The following SGCZ variants were observed in gnomAD, a reference collection of about 807,000 sequenced individuals.
SGCZ encodes sarcoglycan zeta, also known as zeta-sarcoglycan.
Under a neutral mutation model 41.3 loss-of-function variants are expected in SGCZ, and 40 were observed. The ratio of observed to expected loss-of-function variants is 0.97; its 90% CI spans 0.75 to 1.26. The LOEUF (loss-of-function observed/expected upper bound fraction) is 1.26, where lower values mean the gene tolerates loss of function less well. SGCZ is among the 50% of genes most tolerant of loss of function. The pLI is 0.00. For synonymous variants in SGCZ, 206 were observed against 137.5 expected (o/e 1.50, Z -3.49); for missense variants, 552 against 369.8 (o/e 1.49, Z -4.04).
chr8:14,554,777 G>C lies in SGCZ; in HGVS notation c.189C>G (p.Asn63Lys). The C allele has an allele frequency of 6.2e-7, 1 of 1,613,036 alleles. No individual in the cohort carries two copies. Reference sequence around the variant, plus strand: ...TCAATATCCATATTGTCATGGCTAAGTTAACTATCATGGTAACCAACAGCA... The same window carrying C: ...TCAATATCCATATTGTCATGGCTAACTTAACTATCATGGTAACCAACAGCA... Reference protein sequence around the residue: ...VLLLLVTMIVNLAMTIWILKV... With the variant: ...VLLLLVTMIVKLAMTIWILKV... The change falls in exon 2 of 8, where the codon AAC becomes AAG. Residue 63 changes from asparagine (N) to lysine (K), a missense_variant. Coordinates refer to ENST00000382080, the MANE Select transcript of SGCZ (RefSeq NM_139167.4).
intron 1 of SGCZ, among the ~76,000 whole-genome samples, chr8:15,190,769 A>G (rs1290362267): frequency 1.3e-5 from 2 of 151,940 alleles, no homozygotes; most frequent in African/African-American, 4.8e-5. Context: ...ATCAACAAAG[A>G]TTTGCAATTT....
At chr8:14,855,123 G>C (rs965399630) in intron 1 of SGCZ, among the ~76,000 whole-genome samples, 14 of 151,794 alleles carry the variant, frequency 9.2e-5, no homozygotes, top group Admixed American at 2.0e-4. Flanking sequence ...CACAATCTTG[G>C]CTCACTGCAA....
intron 1 of SGCZ, among the ~76,000 whole-genome samples, chr8:15,194,593 G>A (rs775848131): frequency 6.6e-5 from 10 of 152,166 alleles, no homozygotes; most frequent in Non-Finnish European, 1.5e-4. Context: ...TAAAGGGGAT[G>A]CAAGAAGGTC....
chr8:14,552,933 T>A (rs1239542476), intron 2 of SGCZ, among the ~76,000 whole-genome samples: 2 of 152,024 alleles, frequency 1.3e-5, no homozygotes, highest in Admixed American at 1.3e-4. Context: ...TTCATGAGCT[T>A]TTGAAAGATG....
rs79691596 is a variant in SGCZ, at chr8:14,254,808, A to C, written c.337-17129T>G. On this transcript the variant is annotated intron_variant, in intron 3 of 7. Transcript: ENST00000382080. ...AGATTCATTATTCTAAATGTGAGTG[A>C]TCAATTTACTAAAGCTGTAGAAAGT... Among the ~76,000 whole-genome samples, 4 of 152,080 alleles carry C rather than the reference A, an allele frequency of 2.6e-5. No individual in the cohort carries two copies. In the East Asian group the frequency reaches 5.8e-4, roughly 22 times the overall value.
rs568811032 is a variant in SGCZ at position 15,003,700 on chromosome 8, A to G, written c.39+233885T>C. On this transcript the variant is annotated intron_variant, in intron 1 of 7. Coordinates refer to ENST00000382080, the MANE Select transcript of SGCZ (RefSeq NM_139167.4). ...TTGGCTGTGTATATATAAAGATCCAACTGGAAATAAATCAGGATTTATGAC... is the reference window on the plus strand; with the variant it reads ...TTGGCTGTGTATATATAAAGATCCAGCTGGAAATAAATCAGGATTTATGAC... 2.0e-5 allele frequency among the ~76,000 whole-genome samples: 3 copies of G among 152,274 alleles called. 1 individual carries two copies. The highest frequency in any genetic ancestry group is 4.1e-4 in the South Asian group (2 of 4,822).
At position 14,126,232 on chromosome 8, in the gene SGCZ, T is replaced by A. The variant is rs1296125606; in HGVS notation, c.548-17997A>T. ...GAGAAAATATTTGCAATCTACCCATTTGACAAATGTCTAACATCCCGAATT... is the reference window on the plus strand; with the variant it reads ...GAGAAAATATTTGCAATCTACCCATATGACAAATGTCTAACATCCCGAATT... On this transcript the variant is annotated intron_variant, in intron 5 of 7. Transcript: ENST00000382080. 2.6e-5 allele frequency among the ~76,000 whole-genome samples: 4 copies of A among 152,272 alleles called. No individual in the cohort carries two copies. The East Asian group carries it at 7.7e-4, about 29-fold the overall frequency.
chr8:14,625,362 T>C (rs987342627), intron 1 of SGCZ, among the ~76,000 whole-genome samples: 18 of 152,268 alleles, frequency 1.2e-4, no homozygotes, highest in African/African-American at 4.1e-4. Context: ...ACGACAGTCC[T>C]TTTAGAAGGA....
intron 3 of SGCZ, chr8:14,309,185 C>A (rs1801444051): frequency 2.7e-6 from 4 of 1,480,514 alleles, no homozygotes; most frequent in Non-Finnish European, 3.8e-6. Context: ...CAAAACTTGG[C>A]AAGCAAACCT....
chr8:14,988,289 A>G lies in SGCZ; in HGVS notation c.39+249296T>C, dbSNP rs189600885. On this transcript the variant is annotated intron_variant, in intron 1 of 7. Transcript: ENST00000382080. ...AAAAAAACTCTGAAAACAAAGGACA[A>G]ACATGCTAAGAAAGTCACCCACATT... Among the ~76,000 whole-genome samples, 4 of 152,170 alleles carry G rather than the reference A, an allele frequency of 2.6e-5. No individual in the cohort carries two copies. The East Asian group carries it at 7.7e-4, about 29-fold the overall frequency.
At chr8:14,909,182 A>C (rs2130773781) in intron 1 of SGCZ, among the ~76,000 whole-genome samples, 1 of 152,314 alleles carries the variant, frequency 6.6e-6, no homozygotes, top group Non-Finnish European at 1.5e-5. Flanking sequence ...CAATTACTAT[A>C]ATTTTCAATT....
At chr8:14,168,465 C>T (rs1346480792) in intron 4 of SGCZ, among the ~76,000 whole-genome samples, 1 of 152,056 alleles carries the variant, frequency 6.6e-6, no homozygotes, top group Non-Finnish European at 1.5e-5. Flanking sequence ...CAGGTCTTTC[C>T]TGTGCTGTTC....
chr8:14,351,477 T>C (rs1009788807), intron 2 of SGCZ, among the ~76,000 whole-genome samples: 13 of 151,948 alleles, frequency 8.6e-5, no homozygotes, highest in Middle Eastern at 3.2e-3. Context: ...ATGTTTACTT[T>C]GTCTGATTGC....
intron 1 of SGCZ, among the ~76,000 whole-genome samples, chr8:14,915,529 G>A (rs1411453247): frequency 2.6e-5 from 4 of 152,020 alleles, no homozygotes; most frequent in Admixed American, 2.0e-4. Flanking sequence ...TCAAGATGGC[G>A]GCCCCATCTT....
intron 1 of SGCZ, among the ~76,000 whole-genome samples, chr8:14,847,031 C>A (rs1803138344): frequency 6.6e-6 from 1 of 151,732 alleles, no homozygotes; most frequent in Non-Finnish European, 1.5e-5. Flanking sequence ...AAGATTGTGC[C>A]ACTGCACTCC....
chr8:14,830,352 T>C (rs941327624), intron 1 of SGCZ, among the ~76,000 whole-genome samples: 3 of 152,190 alleles, frequency 2.0e-5, no homozygotes, highest in Non-Finnish European at 4.4e-5. Flanking sequence ...AAGTACTCTG[T>C]ATGACATCAA....
chr8:14,758,524 G>A (rs1477430169), intron 1 of SGCZ, among the ~76,000 whole-genome samples: 1 of 151,888 alleles, frequency 6.6e-6, no homozygotes, highest in Admixed American at 6.6e-5. Flanking sequence ...TCATTCCTGA[G>A]AAATCTGGGA....
rs576417563 is a variant in SGCZ, at chr8:14,693,343, G to GTGCA, written c.40-138421_40-138418dup. On this transcript the variant is annotated intron_variant, in intron 1 of 7. Transcript: ENST00000382080. ...ATCTTGCTCTGTCACCCAGACTGGA[G>GTGCA]TGCAATGGCACGATCTCGGCTCACT... 3.9e-3 allele frequency among the ~76,000 whole-genome samples: 589 copies of GTGCA among 149,882 alleles called. 5 individuals carry two copies. The highest frequency in any genetic ancestry group is 6.6e-3 in the Non-Finnish European group (450 of 67,734).
chr8:14,529,030 A>T (rs1163185208), intron 2 of SGCZ, among the ~76,000 whole-genome samples: 1 of 152,028 alleles, frequency 6.6e-6, no homozygotes, highest in African/African-American at 2.4e-5. Flanking sequence ...ATTCTTTCTC[A>T]TCAACATATT....
Sources: gnomAD v4.1 joint callset for allele counts (sites outside exome capture counted in the v4.1 genomes callset) on GRCh38, gnomAD v4.1.1 for gene constraint, MANE v1.5 for transcripts, NCBI Gene and HGNC (gene_info 2026-07-23, HGNC 2026-07-21) for gene names.